Variants in RICTOR observed in about 807,000 individuals in gnomAD.
RICTOR encodes rapamycin-insensitive companion of mTOR.
RICTOR carries 49 observed loss-of-function variants against 214.9 expected under a neutral mutation model. That is an observed-to-expected ratio of 0.23 (90% confidence interval 0.18 to 0.29). RICTOR has a LOEUF of 0.29. RICTOR is among the 10% of genes least tolerant of loss of function. The probability of loss-of-function intolerance (pLI) is 1.00; values close to 1 mark genes in which losing one functional copy is unlikely to be tolerated. For missense variants in RICTOR, 1,625 were observed against 2,047.0 expected, an observed-to-expected ratio of 0.79 and a Z score of 3.98; for synonymous variants, 717 against 711.3, an observed-to-expected ratio of 1.01 and a Z score of -0.13.
rs191388600 is a variant in RICTOR, at chr5:39,071,963, C to T, written c.97+2148G>A. Among the ~76,000 whole-genome samples, 541 of 152,326 alleles carry T rather than the reference C, an allele frequency of 3.6e-3. 2 individuals carry two copies. The highest frequency in any genetic ancestry group is 0.012 in the African/African-American group (516 of 41,588). ...TCACAGTTCTCAAATTATTACTAAA[C>T]TTTAATTCCTCATGAATTTTCTTCA... On this transcript the variant is annotated intron_variant, in intron 2 of 37. Transcript: ENST00000357387.
chr5:38,947,305 T>C lies in RICTOR; in HGVS notation c.4273A>G (p.Ile1425Val), dbSNP rs762569661. 2.5e-6 allele frequency: 4 copies of C among 1,612,862 alleles called. No individual in the cohort carries two copies. The East Asian group carries it at 6.7e-5, about 27-fold the overall frequency. ...SATYGGSDDY[I>V]GLALPVDIND... is the part of the protein sequence containing the mutation. ...ATATCCACCGGGAGAGCAAGACCAA[T>C]GTAATCATCTGAACCCCCATATGTG... Residue 1425 changes from isoleucine to valine, a missense_variant, in exon 32 of 38, where the codon ATT (isoleucine) becomes GTT (valine). Physicochemically the swap from Ile to Val is conservative, Grantham distance 29. This residue lies in a region of RICTOR where 1,214 missense variants were observed against 1,470.5 expected (regional missense o/e 0.83). Transcript: ENST00000357387.
intron 3 of RICTOR, among the ~76,000 whole-genome samples, chr5:39,008,099 A>G (rs1754212897): frequency 6.6e-6 from 1 of 151,944 alleles, no homozygotes; most frequent in Admixed American, 6.6e-5. Context: ...AAAATACTGT[A>G]ATATACAATC....
chr5:38,979,688 G>C (rs1751546800), intron 8 of RICTOR, among the ~76,000 whole-genome samples: 1 of 152,208 alleles, frequency 6.6e-6, no homozygotes. Context: ...GGTCTGACTG[G>C]AGCTAGAGGA....
chr5:39,037,104 T>G (rs1756770889), intron 2 of RICTOR, among the ~76,000 whole-genome samples: 1 of 152,026 alleles, frequency 6.6e-6, no homozygotes, highest in East Asian at 1.9e-4. Context: ...GGACAGAAAT[T>G]ATAACAAACT....
rs532068945 is a variant in RICTOR, at chr5:38,942,687, C to T, written c.5052+146G>A. 42 of 618,414 alleles carry T rather than the reference C, an allele frequency of 6.8e-5. No individual in the cohort carries two copies. In the East Asian group the frequency reaches 1.1e-3, roughly 16 times the overall value. The allele number at this position is 618,414 out of a possible 1,614,324, so 38.3% of individuals were successfully genotyped here. On this transcript the variant is annotated intron_variant, in intron 37 of 37. Transcript: ENST00000357387. ...CCCAGGCTGGTCTTGAATTCCTGGG[C>T]TCAAGCAATTCTCCCGCGCTGACCC...
chr5:38,966,875 A>G (rs1179010498), intron 14 of RICTOR, 154 bp from the exon 15 acceptor site: 1 of 589,608 alleles, frequency 1.7e-6, no homozygotes, highest in Non-Finnish European at 3.0e-6. Flanking sequence ...ATCTCAGCTC[A>G]GTATAACCTC....
chr5:39,062,898 T>G lies in RICTOR; in HGVS notation c.97+11213A>C, dbSNP rs189208125. Among the ~76,000 whole-genome samples, 35 of 152,240 alleles carry G rather than the reference T, an allele frequency of 2.3e-4. No homozygotes were observed. The East Asian group carries it at 5.6e-3, about 24-fold the overall frequency. The stretch of plus-strand genomic sequence containing the variant: ...TGGGTAGGGTGTCTGAATTTGGCAA[T>G]GAAACATTCTGTGGTTTTCAGGATA... On this transcript the variant is annotated intron_variant, in intron 2 of 37. Coordinates refer to ENST00000357387, the MANE Select transcript of RICTOR (RefSeq NM_152756.5).
At chr5:39,068,072 A>G (rs975852086) in intron 2 of RICTOR, among the ~76,000 whole-genome samples, 5 of 152,214 alleles carry the variant, frequency 3.3e-5, no homozygotes, top group Admixed American at 2.6e-4. Flanking sequence ...ATAAATAAAG[A>G]CGTAAAAAAG....
intron 2 of RICTOR, among the ~76,000 whole-genome samples, chr5:39,042,871 T>G (rs888209186): frequency 1.3e-5 from 2 of 152,104 alleles, no homozygotes; most frequent in Non-Finnish European, 2.9e-5. Context: ...TAAATTAGGC[T>G]ATTATCAAAA....
chr5:38,955,823 T>C (rs955141628), intron 25 of RICTOR, 119 bp from the exon 26 acceptor site: 3 of 637,862 alleles, frequency 4.7e-6, no homozygotes, highest in Non-Finnish European at 8.4e-6. Context: ...AAATGTTCTA[T>C]CATATCCATA....
rs1011040912 is a variant in RICTOR, at chr5:38,945,559, T to C, written c.4565A>G (p.Tyr1522Cys). ...LQEHTDDNCLYCVCIEILGFQ... is the reference protein window; with the variant it reads ...LQEHTDDNCLCCVCIEILGFQ... Reference sequence around the variant, plus strand: ...ACCCAGAATTTCAATACAGACACAATAAAGGCAGTTATCATCTGTATGTTC... The same window carrying C: ...ACCCAGAATTTCAATACAGACACAACAAAGGCAGTTATCATCTGTATGTTC... The change falls in exon 34 of 38, where the codon TAT becomes TGT. Residue 1522 changes from tyrosine (Y) to cysteine (C), a missense_variant. This residue lies in a region of RICTOR where 1,214 missense variants were observed against 1,470.5 expected (regional missense o/e 0.83). Transcript: ENST00000357387. 16 of 1,614,082 alleles carry C rather than the reference T, an allele frequency of 9.9e-6. No individual in the cohort carries two copies. The highest frequency in any genetic ancestry group is 1.3e-5 in the Non-Finnish European group (15 of 1,179,962).
intron 10 of RICTOR, among the ~76,000 whole-genome samples, chr5:38,974,362 AGGGCTC>A (rs1414931510): frequency 6.6e-6 from 1 of 152,152 alleles, no homozygotes; most frequent in Non-Finnish European, 1.5e-5. Flanking sequence ...TCATTATAAA[AGGGCTC>A]CAGGGGAAAT....
intron 2 of RICTOR, among the ~76,000 whole-genome samples, chr5:39,041,940 CAA>C (rs35609106): frequency 0.057 from 4,810 of 84,618 alleles, 126 homozygotes; most frequent in East Asian, 0.18. Flanking sequence ...GACCCTGTTT[CAA>C]AAAAAAAAAA....
At position 38,942,088 on chromosome 5, in the gene RICTOR, C is replaced by T. The variant is rs1012604789; in HGVS notation, c.*216G>A. The stretch of plus-strand genomic sequence containing the variant: ...AACTCTTAAAACTGTGGTAATGAAT[C>T]ATGAACCCCTCAAAAGGCTCAACAA... On this transcript the variant is annotated 3_prime_UTR_variant, in exon 38 of 38. Transcript: ENST00000357387. The T allele has an allele frequency of 2.6e-6, 1 of 391,100 alleles. No individual in the cohort carries two copies. Among genetic ancestry groups the T allele is most frequent in the East Asian group, 3.6e-5 (1 of 27,452 alleles). The allele number at this position is 391,100 out of a possible 1,614,324, so 24.2% of individuals were successfully genotyped here.
intron 12 of RICTOR, among the ~76,000 whole-genome samples, chr5:38,967,673 A>G (rs1459851796): frequency 6.6e-6 from 1 of 152,192 alleles, no homozygotes; most frequent in East Asian, 1.9e-4. Flanking sequence ...TAATCTGAGG[A>G]TTACATAGGT....
intron 2 of RICTOR, among the ~76,000 whole-genome samples, chr5:39,053,371 G>T (rs1338851594): frequency 6.6e-6 from 1 of 152,094 alleles, no homozygotes; most frequent in Non-Finnish European, 1.5e-5. Context: ...CTACTCTGAG[G>T]ATTATGAACC....
intron 2 of RICTOR, among the ~76,000 whole-genome samples, chr5:39,024,704 A>C (rs1755678207): frequency 6.6e-6 from 1 of 152,224 alleles, no homozygotes; most frequent in Non-Finnish European, 1.5e-5. Context: ...CAATATAGTT[A>C]CTGCTATCTA....
At chr5:39,059,598 C>T (rs1482710172) in intron 2 of RICTOR, among the ~76,000 whole-genome samples, 1 of 152,062 alleles carries the variant, frequency 6.6e-6, no homozygotes, top group African/African-American at 2.4e-5. Flanking sequence ...CCTTATCCTA[C>T]AAATCTAATA....
chr5:39,057,090 A>T (rs1174046633), intron 2 of RICTOR, among the ~76,000 whole-genome samples: 2 of 152,216 alleles, frequency 1.3e-5, no homozygotes, highest in Admixed American at 1.3e-4. Flanking sequence ...TGAATAAATT[A>T]GTGAATTAAT....
Sources: gnomAD v4.1 joint callset for allele counts (sites outside exome capture counted in the v4.1 genomes callset) on GRCh38, gnomAD v4.1.1 for gene constraint, gnomAD v4.1.1 regional missense constraint, MANE v1.5 for transcripts, NCBI Gene and HGNC (gene_info 2026-07-23, HGNC 2026-07-21) for gene names.